ABCB4: variants seen among roughly 807,000 people sequenced by gnomAD.
ABCB4 encodes the protein phosphatidylcholine translocator ABCB4.
ABCB4 carries 76 observed loss-of-function variants against 145.7 expected under a neutral mutation model. The observed-to-expected ratio is 0.52, with a 90% CI of 0.43 to 0.63. The LOEUF is 0.63. Ranked by LOEUF, ABCB4 falls within the 30% of genes least tolerant of loss-of-function variation. The pLI, the probability that ABCB4 is intolerant of heterozygous loss-of-function variation, is 0.00. For synonymous variants in ABCB4, 517 were observed against 566.8 expected (o/e 0.91, Z 1.25); for missense variants, 1,234 against 1,553.1 (o/e 0.79, Z 3.45).
At chr7:87,449,775 A>G (rs1486597602) in intron 8 of ABCB4, among the ~76,000 whole-genome samples, 193 bp downstream of exon 8, 3 of 152,186 alleles carry the variant, frequency 2.0e-5, no homozygotes, top group Non-Finnish European at 4.4e-5. Flanking sequence ...AAAAGAGTCC[A>G]TGGAACATAA....
chr7:87,367,238 A>T, the ABCB4 span, among the ~76,000 whole-genome samples: 1 of 152,186 alleles, frequency 6.6e-6, no homozygotes, highest in African/African-American at 2.4e-5. Context: ...AGGGAGGCAA[A>T]GGAGAGAACC....
intron 2 of ABCB4, among the ~76,000 whole-genome samples, chr7:87,474,611 A>G (rs1009370286): frequency 4.6e-5 from 7 of 152,276 alleles, no homozygotes; most frequent in African/African-American, 1.7e-4. Context: ...GAACTCAGAG[A>G]CCGTAATAGC....
At chr7:87,369,411 C>T in the ABCB4 span, 1 of 1,613,014 alleles carries the variant, frequency 6.2e-7, no homozygotes. Flanking sequence ...CATTGTAGTG[C>T]TGTGTCGAGG....
intron 12 of ABCB4, among the ~76,000 whole-genome samples, chr7:87,440,825 C>T (rs542590454): frequency 6.6e-6 from 1 of 152,206 alleles, no homozygotes; most frequent in South Asian, 2.1e-4. Flanking sequence ...ACTGCAAGCT[C>T]CACCTCCCGG....
intron 6 of ABCB4, 104 bp from the exon 7 acceptor site, chr7:87,451,898 T>G (rs1043127786): frequency 8.5e-6 from 9 of 1,060,964 alleles, no homozygotes; most frequent in Non-Finnish European, 1.3e-5. Context: ...GTTCACTGAC[T>G]GCAAGCCTCT....
chr7:87,391,593 G>C, the ABCB4 span: 6 of 1,592,288 alleles, frequency 3.8e-6, no homozygotes, highest in Non-Finnish European at 5.1e-6. Flanking sequence ...TTGTAGCCCT[G>C]GTTGTTGCTA....
At chr7:87,456,460 T>A (rs1191688126) in intron 4 of ABCB4, among the ~76,000 whole-genome samples, 2 of 152,084 alleles carry the variant, frequency 1.3e-5, no homozygotes, top group African/African-American at 4.8e-5. Context: ...AGCTGGTTGT[T>A]AAAGAGAGCC....
chr7:87,459,132 T>C (rs920268547), intron 4 of ABCB4, among the ~76,000 whole-genome samples: 1 of 152,234 alleles, frequency 6.6e-6, no homozygotes, highest in African/African-American at 2.4e-5. Context: ...AATCTGACTT[T>C]AAAAATTTTA....
At chr7:87,383,021 A>AT in the ABCB4 span, among the ~76,000 whole-genome samples, 3 of 152,112 alleles carry the variant, frequency 2.0e-5, no homozygotes, top group Admixed American at 6.6e-5. Flanking sequence ...GGTACATGTG[A>AT]TTTTTTTGAT....
At chr7:87,389,435 A>C in the ABCB4 span, among the ~76,000 whole-genome samples, 1 of 152,186 alleles carries the variant, frequency 6.6e-6, no homozygotes, top group African/African-American at 2.4e-5. Context: ...ATGGAATACT[A>C]TGCAGCCATA....
intron 19 of ABCB4, among the ~76,000 whole-genome samples, 186 bp downstream of exon 19, chr7:87,419,812 A>C (rs28494813): frequency 1.3e-5 from 2 of 152,018 alleles, no homozygotes; most frequent in South Asian, 2.1e-4. Flanking sequence ...ACAAAAAAAA[A>C]ACAAAAAAAA....
intron 4 of ABCB4, 113 bp downstream of exon 4, chr7:87,462,645 C>T: frequency 1.0e-6 from 1 of 999,674 alleles, no homozygotes. Flanking sequence ...CTGGAGTCAA[C>T]CAGATATCCA....
intron 8 of ABCB4, 42 bp downstream of exon 8, chr7:87,449,926 A>T: frequency 6.2e-7 from 1 of 1,613,950 alleles, no homozygotes; most frequent in South Asian, 1.1e-5. Context: ...ACAAAATGTA[A>T]AAACACATTC....
At position 87,409,311 on chromosome 7, in the gene ABCB4, C is replaced by T; in HGVS notation, c.3006G>A (p.Leu1002=). The change falls in exon 24 of 28, where the codon CTG becomes CTA. Residue 1002 remains leucine, a synonymous_variant. Transcript: ENST00000649586. ...ACAGCATGAATAAGTGGGCTGCAGA[C>T]AGCTTAGCTTTAGCATAGTCTGGAG... ...SFAPDYAKAK[L]SAAHLFMLFE... 6.2e-7 allele frequency: 1 copy of T among 1,614,104 alleles called. No individual in the cohort carries two copies. Among genetic ancestry groups the T allele is most frequent in the Non-Finnish European group, 8.5e-7 (1 of 1,179,992 alleles).
chr7:87,453,421 T>C (rs1281312494), intron 5 of ABCB4, among the ~76,000 whole-genome samples: 2 of 152,074 alleles, frequency 1.3e-5, no homozygotes, highest in African/African-American at 4.8e-5. Context: ...TGACCTCAAG[T>C]GATCTGCTCA....
chr7:87,383,971 T>A, the ABCB4 span, among the ~76,000 whole-genome samples: 3 of 152,154 alleles, frequency 2.0e-5, no homozygotes, highest in African/African-American at 7.2e-5. Flanking sequence ...TAGTTCTTTT[T>A]TTTTTAGTTT....
chr7:87,380,681 G>T, the ABCB4 span, among the ~76,000 whole-genome samples: 1 of 152,186 alleles, frequency 6.6e-6, no homozygotes, highest in Non-Finnish European at 1.5e-5. Context: ...CCTTCTTTGA[G>T]ATTATTAGCT....
intron 3 of ABCB4, among the ~76,000 whole-genome samples, chr7:87,471,656 T>C (rs1426252781): frequency 2.0e-5 from 3 of 152,210 alleles, no homozygotes; most frequent in Non-Finnish European, 4.4e-5. Flanking sequence ...ACTTCTTTGC[T>C]ACCAAATAAT....
the ABCB4 span, chr7:87,369,440 T>G: frequency 6.2e-7 from 1 of 1,613,410 alleles, no homozygotes; most frequent in Middle Eastern, 1.7e-4. Context: ...TTGTCTTTGA[T>G]GTAATACATG....
Sources: gnomAD v4.1 joint callset for allele counts (sites outside exome capture counted in the v4.1 genomes callset) on GRCh38, gnomAD v4.1.1 for gene constraint, MANE v1.5 for transcripts, NCBI Gene and HGNC (gene_info 2026-07-23, HGNC 2026-07-21) for gene names.